The following VSNL1 variants were observed in gnomAD, a reference collection of about 807,000 sequenced individuals.
The protein encoded by VSNL1 is visinin like 1, also known as visinin-like protein 1.
VSNL1 carries 6 observed loss-of-function variants against 20.4 expected under a neutral mutation model. The observed-to-expected ratio is 0.29, with a 90% CI of 0.16 to 0.58. The LOEUF (loss-of-function observed/expected upper bound fraction) is 0.58, where lower values mean the gene tolerates loss of function less well. VSNL1 is among the 20% of genes least tolerant of loss of function. VSNL1 has a pLI of 0.90. For synonymous variants in VSNL1, 93 were observed against 86.4 expected (o/e 1.08, Z -0.42); for missense variants, 100 against 234.5 (o/e 0.43, Z 3.75).
In VSNL1 at chr2:17,653,603, T is replaced by C. The variant is rs528393516; in HGVS notation, c.379-1594T>C. 5.9e-5 allele frequency among the ~76,000 whole-genome samples: 9 copies of C among 152,378 alleles called. 1 individual carries two copies. In the South Asian group the frequency reaches 8.3e-4, roughly 14 times the overall value. ...ACAACTTTCTTAAAGTGTTCCATGA[T>C]ACATCAATACCATCTAGCTACAAAA... On this transcript the variant is annotated intron_variant, in intron 3 of 3. Coordinates refer to ENST00000295156, the MANE Select transcript of VSNL1 (RefSeq NM_003385.5).
chr2:17,588,611 CTT>C (rs1377091838), intron 1 of VSNL1, among the ~76,000 whole-genome samples: 1 of 152,220 alleles, frequency 6.6e-6, no homozygotes, highest in African/African-American at 2.4e-5. Context: ...TCTAACTACA[CTT>C]TCATTCATTT....
chr2:17,593,781 T>G (rs1275156116), intron 2 of VSNL1, among the ~76,000 whole-genome samples: 1 of 152,216 alleles, frequency 6.6e-6, no homozygotes, highest in African/African-American at 2.4e-5. Flanking sequence ...GTCTATTGCT[T>G]TTGCAGAGAA....
chr2:17,582,299 C>T (rs1027888510), intron 1 of VSNL1, among the ~76,000 whole-genome samples: 7 of 151,996 alleles, frequency 4.6e-5, no homozygotes, highest in African/African-American at 1.7e-4. Context: ...AAGCCATGCT[C>T]ACAGTTGGAA....
intron 1 of VSNL1, among the ~76,000 whole-genome samples, chr2:17,542,579 T>C (rs1022071610): frequency 3.3e-5 from 5 of 152,188 alleles, no homozygotes; most frequent in African/African-American, 2.4e-5. Context: ...AACCTCTCAT[T>C]GGAAATCCAC....
At chr2:17,578,215 T>G (rs1289747769) in intron 1 of VSNL1, among the ~76,000 whole-genome samples, 1 of 152,234 alleles carries the variant, frequency 6.6e-6, no homozygotes, top group Non-Finnish European at 1.5e-5. Flanking sequence ...CTTCAGCAAG[T>G]ATCTCACCTT....
chr2:17,584,312 G>A (rs77773013), intron 1 of VSNL1, among the ~76,000 whole-genome samples: 3,697 of 152,202 alleles, frequency 0.024, 80 homozygotes, highest in Non-Finnish European at 0.038. Flanking sequence ...TAGCACCTGG[G>A]TATCAAGTAT....
intron 2 of VSNL1, among the ~76,000 whole-genome samples, chr2:17,627,115 T>A (rs1331838117): frequency 6.6e-6 from 1 of 152,170 alleles, no homozygotes; most frequent in East Asian, 1.9e-4. Flanking sequence ...AGACACCACA[T>A]ACCCCCATCT....
At chr2:17,586,575 C>T (rs1031323866) in intron 1 of VSNL1, among the ~76,000 whole-genome samples, 1 of 152,236 alleles carries the variant, frequency 6.6e-6, no homozygotes, top group African/African-American at 2.4e-5. Context: ...ATGTCTCCTG[C>T]ATCCAGGTCT....
chr2:17,544,838 A>G (rs1011633896), intron 1 of VSNL1, among the ~76,000 whole-genome samples: 4 of 152,136 alleles, frequency 2.6e-5, no homozygotes, highest in Non-Finnish European at 5.9e-5. Context: ...ATAAACATTA[A>G]TTTTCCTAAA....
chr2:17,550,853 G>A (rs995159261), intron 1 of VSNL1, among the ~76,000 whole-genome samples: 2 of 152,020 alleles, frequency 1.3e-5, no homozygotes, highest in South Asian at 4.2e-4. Flanking sequence ...TCATCCTAAG[G>A]GAATGCAACA....
intron 1 of VSNL1, among the ~76,000 whole-genome samples, chr2:17,583,062 A>G (rs1205573127): frequency 6.6e-6 from 1 of 152,210 alleles, no homozygotes; most frequent in Non-Finnish European, 1.5e-5. Flanking sequence ...CTGTAGAGAT[A>G]ACAACTTAGG....
At chr2:17,607,916 A>G (rs1200585088) in intron 2 of VSNL1, among the ~76,000 whole-genome samples, 1 of 152,276 alleles carries the variant, frequency 6.6e-6, no homozygotes, top group African/African-American at 2.4e-5. Context: ...AATATGCAAC[A>G]TAACATAACA....
intron 2 of VSNL1, among the ~76,000 whole-genome samples, chr2:17,627,395 G>A (rs1431801259): frequency 6.6e-6 from 1 of 152,178 alleles, no homozygotes; most frequent in Non-Finnish European, 1.5e-5. Flanking sequence ...CTAGACAGAG[G>A]CGATTTATCA....
At chr2:17,637,401 C>A (rs995244019) in intron 2 of VSNL1, among the ~76,000 whole-genome samples, 1 of 152,224 alleles carries the variant, frequency 6.6e-6, no homozygotes, top group Non-Finnish European at 1.5e-5. Flanking sequence ...CCTTGCTCCC[C>A]CTTAGGCAGG....
chr2:17,566,586 G>T (rs754807461), intron 1 of VSNL1, among the ~76,000 whole-genome samples: 1 of 151,822 alleles, frequency 6.6e-6, no homozygotes, highest in East Asian at 1.9e-4. Flanking sequence ...TCCATCATTT[G>T]GAATTCCTTA....
intron 2 of VSNL1, among the ~76,000 whole-genome samples, chr2:17,647,833 GCTCT>G (rs1033185484): frequency 6.6e-6 from 1 of 152,080 alleles, no homozygotes; most frequent in African/African-American, 2.4e-5. Flanking sequence ...TCGAGGTATT[GCTCT>G]CTGAGTCCAT....
At chr2:17,624,391 C>T (rs1665455550) in intron 2 of VSNL1, among the ~76,000 whole-genome samples, 1 of 152,148 alleles carries the variant, frequency 6.6e-6, no homozygotes, top group Non-Finnish European at 1.5e-5. Context: ...CCCTTCACCC[C>T]AAGGTATACA....
At chr2:17,552,993 C>T (rs887766551) in intron 1 of VSNL1, among the ~76,000 whole-genome samples, 13 of 151,932 alleles carry the variant, frequency 8.6e-5, no homozygotes, top group African/African-American at 3.1e-4. Flanking sequence ...TTTGAAAGTG[C>T]TTAGAACAGT....
At chr2:17,630,014 C>A (rs1021659987) in intron 2 of VSNL1, among the ~76,000 whole-genome samples, 1 of 151,772 alleles carries the variant, frequency 6.6e-6, no homozygotes, top group African/African-American at 2.4e-5. Flanking sequence ...AAGGTGGGCA[C>A]GATAGTGTAG....
Sources: allele counts gnomAD v4.1 joint callset (sites outside exome capture counted in the v4.1 genomes callset), GRCh38; gene constraint gnomAD v4.1.1; transcripts MANE v1.5; gene names NCBI Gene and HGNC (gene_info 2026-07-23, HGNC 2026-07-21).